Variants in KDM4C observed in about 807,000 individuals in gnomAD.
KDM4C encodes the protein lysine demethylase 4C, also known as lysine-specific demethylase 4C.
Under a neutral mutation model 129.3 loss-of-function variants are expected in KDM4C, and 81 were observed. That is an observed-to-expected ratio of 0.63 (90% CI 0.52 to 0.75). KDM4C has a LOEUF of 0.75. Ranked by LOEUF, KDM4C falls within the 30% of genes least tolerant of loss-of-function variation. The pLI is 0.00. For missense variants in KDM4C, 1,457 were observed against 1,304.0 expected (o/e 1.12, Z -1.81); for synonymous variants, 573 against 456.1 (o/e 1.26, Z -3.26).
intron 4 of KDM4C, among the ~76,000 whole-genome samples, chr9:6,831,501 C>G (rs1321245650): frequency 6.6e-6 from 1 of 152,118 alleles, no homozygotes; most frequent in Non-Finnish European, 1.5e-5. Flanking sequence ...TGCCACCACG[C>G]CCAGCTAATT....
intron 1 of KDM4C, among the ~76,000 whole-genome samples, chr9:6,789,956 G>A (rs1278100145): frequency 6.6e-6 from 1 of 151,802 alleles, no homozygotes; most frequent in African/African-American, 2.4e-5. Context: ...TTCCTCATGT[G>A]TGCATTGTGA....
chr9:6,987,290 C>T (rs1817894945), intron 11 of KDM4C, among the ~76,000 whole-genome samples: 1 of 152,196 alleles, frequency 6.6e-6, no homozygotes, highest in Non-Finnish European at 1.5e-5. Context: ...TCGAAAGAGG[C>T]CCTTTGCCTC....
intron 4 of KDM4C, among the ~76,000 whole-genome samples, chr9:6,823,348 C>A (rs1365576972): frequency 6.6e-6 from 1 of 152,168 alleles, no homozygotes; most frequent in Non-Finnish European, 1.5e-5. Flanking sequence ...TCAGAGTACC[C>A]ATGGAGCAAT....
At chr9:6,994,448 A>G (rs967486976) in intron 12 of KDM4C, among the ~76,000 whole-genome samples, 9 of 152,016 alleles carry the variant, frequency 5.9e-5, no homozygotes, top group East Asian at 1.9e-4. Flanking sequence ...CATAGACTCC[A>G]TATGTGCTTG....
At position 7,031,130 on chromosome 9, in the gene KDM4C, G is replaced by GTTTGTTTATTTA. The variant is rs376556912; in HGVS notation, c.2259+15204_2259+15205insGTTTATTTATTT. On this transcript the variant is annotated intron_variant, in intron 15 of 21. Transcript: ENST00000381309. ...ATTCATTGTGTCCTTTATTTTACTT[G>GTTTGTTTATTTA]TTTATTTATTTATTTATTTATTTAT... Among the ~76,000 whole-genome samples, 483 of 141,250 alleles carry GTTTGTTTATTTA rather than the reference G, an allele frequency of 3.4e-3. 2 individuals are homozygous for GTTTGTTTATTTA. The highest frequency in any genetic ancestry group is 0.011 in the East Asian group (53 of 4,914). The allele number at this position is 141,250 out of a possible 152,430, so 92.7% of individuals were successfully genotyped here.
chr9:6,806,892 C>T (rs1039351913), intron 3 of KDM4C, among the ~76,000 whole-genome samples: 4 of 150,678 alleles, frequency 2.7e-5, no homozygotes, highest in Admixed American at 6.6e-5. Flanking sequence ...CCCTCTCCCT[C>T]TCCCTCTCCC....
intron 1 of KDM4C, among the ~76,000 whole-genome samples, chr9:6,789,326 T>TTC (rs1222397654): frequency 2.0e-5 from 3 of 148,594 alleles, no homozygotes; most frequent in Non-Finnish European, 4.4e-5. Context: ...GTTCAAGCAA[T>TTC]TCTCCCGCCT....
At chr9:6,766,249 G>A (rs1820602260) in intron 1 of KDM4C, among the ~76,000 whole-genome samples, 4 of 152,042 alleles carry the variant, frequency 2.6e-5, no homozygotes, top group Admixed American at 6.6e-5. Context: ...CTGAGAATTT[G>A]AAATCTGAAA....
chr9:7,059,913 A>G (rs1308045181), intron 17 of KDM4C, among the ~76,000 whole-genome samples: 1 of 152,108 alleles, frequency 6.6e-6, no homozygotes, highest in Non-Finnish European at 1.5e-5. Context: ...TAATGTAAAA[A>G]ATATTGTTAG....
At chr9:6,834,482 C>T (rs543934835) in intron 4 of KDM4C, 22 of 590,602 alleles carry the variant, frequency 3.7e-5, no homozygotes, top group East Asian at 1.8e-4. Flanking sequence ...CTACGCCCGT[C>T]GTCGACAACG....
chr9:7,040,381 G>GTC (rs1554712825), intron 15 of KDM4C, among the ~76,000 whole-genome samples: 3 of 140,572 alleles, frequency 2.1e-5, no homozygotes, highest in Non-Finnish European at 3.0e-5. Context: ...GTGTGTGTGT[G>GTC]TGTGTGTGTG....
At chr9:6,820,269 G>A (rs1832795448) in intron 4 of KDM4C, among the ~76,000 whole-genome samples, 1 of 152,176 alleles carries the variant, frequency 6.6e-6, no homozygotes, top group Non-Finnish European at 1.5e-5. Context: ...CTAAGTTCCA[G>A]TGAAAGGAGA....
At chr9:6,881,838 A>G (rs1381661257) in intron 6 of KDM4C, among the ~76,000 whole-genome samples, 3 of 152,230 alleles carry the variant, frequency 2.0e-5, no homozygotes, top group Admixed American at 6.5e-5. Flanking sequence ...ATGCCAGCCA[A>G]AATAATTGAA....
intron 3 of KDM4C, among the ~76,000 whole-genome samples, chr9:6,806,506 T>A (rs1342591055): frequency 6.9e-6 from 1 of 145,020 alleles, no homozygotes; most frequent in African/African-American, 2.8e-5. Flanking sequence ...AAAAAATAAA[T>A]AAATAAATAA....
intron 9 of KDM4C, among the ~76,000 whole-genome samples, chr9:6,981,407 ATTCCT>A (rs1816744106): frequency 6.6e-6 from 1 of 152,150 alleles, no homozygotes; most frequent in Non-Finnish European, 1.5e-5. Flanking sequence ...TGGTTGTATT[ATTCCT>A]TTCTGTGCAT....
At chr9:6,806,442 C>T (rs1350422674) in intron 3 of KDM4C, among the ~76,000 whole-genome samples, 3 of 151,618 alleles carry the variant, frequency 2.0e-5, no homozygotes, top group African/African-American at 7.3e-5. Context: ...TGCAGTGAGC[C>T]GAGATCACGC....
chr9:6,784,726 G>C (rs10815468), intron 1 of KDM4C, among the ~76,000 whole-genome samples: 83,567 of 152,058 alleles, frequency 0.55, 23,682 homozygotes, highest in African/African-American at 0.7. Context: ...GCTTGGACTT[G>C]TGAGAGAGAA....
In KDM4C at chr9:7,175,092, A is replaced by G. The variant is rs982956771; in HGVS notation, c.*363A>G. On this transcript the variant is annotated 3_prime_UTR_variant, in exon 22 of 22. Coordinates refer to ENST00000381309, the MANE Select transcript of KDM4C (RefSeq NM_015061.6). ...GGGCCCTGTCAGGAAACACACGGGG[A>G]CCTCTCTCTCTAGCTCCAGCAGGTG... 1 of 172,758 alleles carries G rather than the reference A, an allele frequency of 5.8e-6. No individual in the cohort carries two copies. Among genetic ancestry groups the G allele is most frequent in the African/African-American group, 2.4e-5 (1 of 42,446 alleles). The allele number at this position is 172,758 out of a possible 1,614,324, so 10.7% of individuals were successfully genotyped here.
intron 17 of KDM4C, among the ~76,000 whole-genome samples, chr9:7,088,681 A>T (rs1174147399): frequency 6.6e-6 from 1 of 152,142 alleles, no homozygotes; most frequent in Non-Finnish European, 1.5e-5. Context: ...TGTATTCCGT[A>T]TGTGAGAGAT....
Sources: gnomAD v4.1 joint callset for allele counts (sites outside exome capture counted in the v4.1 genomes callset) on GRCh38, gnomAD v4.1.1 for gene constraint, MANE v1.5 for transcripts, NCBI Gene and HGNC (gene_info 2026-07-23, HGNC 2026-07-21) for gene names.